Variants in GATAD2A observed in about 807,000 individuals in gnomAD.
GATAD2A encodes GATA zinc finger domain containing 2A.
GATAD2A carries 12 observed loss-of-function variants against 68.5 expected under a neutral mutation model. That is an observed-to-expected ratio of 0.18 (90% confidence interval 0.11 to 0.28). GATAD2A has a LOEUF of 0.28. Among genes scored for constraint, GATAD2A ranks in the 10% least tolerant of loss-of-function variants. The probability of loss-of-function intolerance (pLI) is 1.00; values close to 1 mark genes in which losing one functional copy is unlikely to be tolerated. For missense variants in GATAD2A, 755 were observed against 868.5 expected (o/e 0.87, Z 1.64); for synonymous variants, 410 against 375.3 (o/e 1.09, Z -1.07).
intron 2 of GATAD2A, among the ~76,000 whole-genome samples, chr19:19,478,139 C>T (rs919933474): frequency 1.3e-5 from 2 of 152,158 alleles, no homozygotes; most frequent in African/African-American, 4.8e-5. Flanking sequence ...GGCCATGATA[C>T]ATCAGCAGGA....
chr19:19,422,849 C>T (rs1378078852), intron 1 of GATAD2A, among the ~76,000 whole-genome samples: 2 of 151,698 alleles, frequency 1.3e-5, no homozygotes, highest in Non-Finnish European at 2.9e-5. Flanking sequence ...GTAGCTGGGA[C>T]TACAGGCGCC....
At chr19:19,456,017 G>A (rs1217157555) in intron 1 of GATAD2A, among the ~76,000 whole-genome samples, 1 of 151,990 alleles carries the variant, frequency 6.6e-6, no homozygotes, top group African/African-American at 2.4e-5. Flanking sequence ...AGCCGGGCAT[G>A]GTGGTGGGCG....
At chr19:19,494,654 C>G (rs1475007171) in intron 5 of GATAD2A, among the ~76,000 whole-genome samples, 1 of 152,238 alleles carries the variant, frequency 6.6e-6, no homozygotes, top group Non-Finnish European at 1.5e-5. Flanking sequence ...GTGAGCGCCC[C>G]TAGCAAGCCT....
chr19:19,397,708 G>A (rs1052928974), intron 1 of GATAD2A, among the ~76,000 whole-genome samples: 2 of 151,532 alleles, frequency 1.3e-5, no homozygotes, highest in African/African-American at 4.8e-5. Flanking sequence ...ATTTAAGCTG[G>A]TCTAAAATTC....
chr19:19,439,322 T>C (rs538898997), intron 1 of GATAD2A, among the ~76,000 whole-genome samples: 46 of 152,198 alleles, frequency 3.0e-4, no homozygotes, highest in Non-Finnish European at 5.4e-4. Flanking sequence ...GGTGTGACTG[T>C]AGAAAAACAG....
In GATAD2A at chr19:19,414,517, C is replaced by T. The variant is rs554269057; in HGVS notation, c.-7+8498C>T. 2.0e-5 allele frequency among the ~76,000 whole-genome samples: 3 copies of T among 149,208 alleles called. No individual in the cohort carries two copies. The South Asian group carries it at 6.4e-4, about 32-fold the overall frequency. Reference sequence around the variant, plus strand: ...GTAGGTCCATTGGTCAGTTTCCTTCCTCAGGGCCTTGTCTTTTTTTTTTTT... The same window carrying T: ...GTAGGTCCATTGGTCAGTTTCCTTCTTCAGGGCCTTGTCTTTTTTTTTTTT... On this transcript the variant is annotated intron_variant, in intron 1 of 11. Coordinates refer to ENST00000683918, the MANE Select transcript of GATAD2A (RefSeq NM_001384528.1).
chr19:19,448,574 C>T (rs561459992), intron 1 of GATAD2A, among the ~76,000 whole-genome samples: 11 of 152,280 alleles, frequency 7.2e-5, no homozygotes, highest in Admixed American at 1.3e-4. Context: ...CTGCAACCTC[C>T]GCCTGCCGGG....
chr19:19,472,319 G>A (rs1241641170), intron 2 of GATAD2A: 3 of 151,914 alleles, frequency 2.0e-5, no homozygotes, highest in Non-Finnish European at 4.4e-5. Flanking sequence ...GATGGAAATA[G>A]CTTGATTTGT....
chr19:19,502,284 G>C, intron 10 of GATAD2A, 47 bp from the exon 11 acceptor site: 1 of 1,416,146 alleles, frequency 7.1e-7, no homozygotes, highest in South Asian at 1.2e-5. Flanking sequence ...CTCGCCTGCT[G>C]CTGTCTTTTC....
intron 5 of GATAD2A, 82 bp downstream of exon 5, chr19:19,494,465 C>T (rs1029233741): frequency 2.3e-6 from 2 of 855,726 alleles, no homozygotes; most frequent in African/African-American, 3.3e-5. Context: ...TCCCAAACAG[C>T]CCTGGCCCAG....
chr19:19,431,453 C>G (rs571247158), intron 1 of GATAD2A, among the ~76,000 whole-genome samples: 72 of 151,298 alleles, frequency 4.8e-4, no homozygotes, highest in Non-Finnish European at 1.5e-4. Context: ...CCCAGCACTT[C>G]GGGAGGCTGA....
At chr19:19,472,018 A>T (rs1386201915) in intron 2 of GATAD2A, among the ~76,000 whole-genome samples, 1 of 152,192 alleles carries the variant, frequency 6.6e-6, no homozygotes, top group East Asian at 1.9e-4. Flanking sequence ...AGGTGGGACC[A>T]TAGATGCATG....
intron 1 of GATAD2A, among the ~76,000 whole-genome samples, chr19:19,434,677 A>C (rs1415742233): frequency 3.3e-5 from 5 of 152,186 alleles, no homozygotes; most frequent in African/African-American, 1.2e-4. Context: ...CTGGTTCCTA[A>C]GGTTCAGCCT....
At chr19:19,411,675 T>G (rs541966666) in intron 1 of GATAD2A, among the ~76,000 whole-genome samples, 1 of 119,740 alleles carries the variant, frequency 8.4e-6, no homozygotes, top group African/African-American at 2.6e-5. Flanking sequence ...TGGCCTCAGC[T>G]TTCTCTTATG....
chr19:19,421,393 C>T (rs1293998954), intron 1 of GATAD2A, among the ~76,000 whole-genome samples: 2 of 152,308 alleles, frequency 1.3e-5, no homozygotes, highest in African/African-American at 2.4e-5. Context: ...ACTGTCCCTT[C>T]GCCTGTCCAT....
At chr19:19,433,686 A>G (rs143400925) in intron 1 of GATAD2A, among the ~76,000 whole-genome samples, 1 of 152,376 alleles carries the variant, frequency 6.6e-6, no homozygotes, top group East Asian at 1.9e-4. Context: ...AAACATGTTC[A>G]GAGAGTGTAT....
intron 2 of GATAD2A, among the ~76,000 whole-genome samples, chr19:19,484,518 C>CTTTTTTTTTTTTCTT (rs2059278742): frequency 2.6e-5 from 3 of 114,462 alleles, no homozygotes; most frequent in Admixed American, 9.2e-5. Context: ...TTTTCTTTTT[C>CTTTTTTTTTTTTCTT]TTTTTTTTTT....
At chr19:19,504,868 C>G (rs12972781) in intron 11 of GATAD2A, among the ~76,000 whole-genome samples, 1 of 152,022 alleles carries the variant, frequency 6.6e-6, no homozygotes, top group African/African-American at 2.4e-5. Flanking sequence ...GTCTCTATCT[C>G]CTGGCCTCAA....
chr19:19,502,056 C>T lies in GATAD2A; in HGVS notation c.1578+13C>T, dbSNP rs781569342. ...GGCTGTGCTACAGGTCAGAACCGCACTGGGCGCCGGGAGCCTCGCGCCCCC... is the reference window on the plus strand; with the variant it reads ...GGCTGTGCTACAGGTCAGAACCGCATTGGGCGCCGGGAGCCTCGCGCCCCC... On this transcript the variant is annotated intron_variant, in intron 10 of 11. Transcript: ENST00000683918. The T allele has an allele frequency of 9.3e-6, 15 of 1,606,478 alleles. No homozygotes were observed. Among genetic ancestry groups the T allele is most frequent in the Non-Finnish European group, 1.3e-5 (15 of 1,174,172 alleles).
Sources: allele counts gnomAD v4.1 joint callset (sites outside exome capture counted in the v4.1 genomes callset), GRCh38; gene constraint gnomAD v4.1.1; transcripts MANE v1.5; gene names NCBI Gene and HGNC (gene_info 2026-07-23, HGNC 2026-07-21).